The following DET1 variants were observed in gnomAD, a reference collection of about 807,000 sequenced individuals.
The protein encoded by DET1 is DET1 partner of COP1 E3 ubiquitin ligase, also known as DET1 homolog.
Under a neutral mutation model 43.7 loss-of-function variants are expected in DET1, and 22 were observed. That is an observed-to-expected ratio of 0.50 (90% confidence interval 0.36 to 0.72). The LOEUF (loss-of-function observed/expected upper bound fraction) is 0.72. DET1 is among the 30% of genes least tolerant of loss of function. The pLI is 0.00. For synonymous variants in DET1, 315 were observed against 266.2 expected (o/e 1.18, Z -1.79); for missense variants, 713 against 713.3 (o/e 1.00, Z 0.00).
intron 1 of DET1, among the ~76,000 whole-genome samples, chr15:88,537,751 C>G (rs2056991008): frequency 6.6e-6 from 1 of 152,182 alleles, no homozygotes; most frequent in South Asian, 2.1e-4. Flanking sequence ...ACGGGAAGTT[C>G]TGTGTCAACT....
downstream of DET1, among the ~76,000 whole-genome samples, chr15:88,509,722 G>T (rs1256394909): frequency 6.6e-6 from 1 of 152,208 alleles, no homozygotes; most frequent in Non-Finnish European, 1.5e-5. Flanking sequence ...TCTTCTGAAT[G>T]CAAGAGTACA....
At chr15:88,541,414 T>G (rs991002641) in intron 1 of DET1, among the ~76,000 whole-genome samples, 1 of 151,036 alleles carries the variant, frequency 6.6e-6, no homozygotes, top group African/African-American at 2.5e-5. Context: ...CCGGGTCCCC[T>G]TATTTCTTTC....
chr15:88,530,896 A>C lies in DET1; in HGVS notation c.810T>G (p.Ala270=), dbSNP rs1289982339. 6.2e-7 allele frequency: 1 copy of C among 1,613,918 alleles called. No individual in the cohort carries two copies. Among genetic ancestry groups the C allele is most frequent in the Non-Finnish European group, 8.5e-7 (1 of 1,179,896 alleles). Residue 270 remains alanine, a synonymous_variant, in exon 2 of 5, where the codon GCT becomes GCG. Coordinates refer to ENST00000268148, the MANE Select transcript of DET1 (RefSeq NM_001144074.3). The part of the protein sequence containing the change: ...CYEDDLLTVS[A]VFPEVQRDSQ... ...TGTCCCGCTGTACCTCAGGGAAAAC[A>C]GCTGACACAGTGAGCAGGTCATCCT...
chr15:88,507,848 C>G (rs2056158170), downstream of DET1, among the ~76,000 whole-genome samples: 1 of 152,224 alleles, frequency 6.6e-6, no homozygotes, highest in Non-Finnish European at 1.5e-5. Flanking sequence ...ATCCCTGGGC[C>G]ATGGACCAAT....
chr15:88,529,506 C>T (rs1425584137), intron 2 of DET1, among the ~76,000 whole-genome samples: 1 of 152,270 alleles, frequency 6.6e-6, no homozygotes, highest in East Asian at 1.9e-4. Flanking sequence ...GATCTCTAAC[C>T]ATATTACTCC....
At chr15:88,533,869 A>AAAAT (rs1555429853) in intron 1 of DET1, among the ~76,000 whole-genome samples, 2 of 147,230 alleles carry the variant, frequency 1.4e-5, no homozygotes. Flanking sequence ...AAAAAAAAAA[A>AAAAT]AAAAAAATTA....
At chr15:88,543,251 C>T (rs1484304736) in intron 1 of DET1, among the ~76,000 whole-genome samples, 8 of 152,162 alleles carry the variant, frequency 5.3e-5, no homozygotes, top group Non-Finnish European at 1.0e-4. Flanking sequence ...GATCCTGTGG[C>T]CTCTGGATGG....
chr15:88,514,603 G>A (rs891687663), intron 4 of DET1, among the ~76,000 whole-genome samples: 2 of 152,124 alleles, frequency 1.3e-5, no homozygotes, highest in South Asian at 2.1e-4. Context: ...AGAATAATAC[G>A]CCTTCATTAG....
At chr15:88,523,652 G>A (rs1057027512) in intron 3 of DET1, among the ~76,000 whole-genome samples, 2 of 152,218 alleles carry the variant, frequency 1.3e-5, no homozygotes, top group Non-Finnish European at 2.9e-5. Flanking sequence ...TGTTGGCCGG[G>A]CTGGTCTCCA....
chr15:88,530,435 C>T (rs2056779548), intron 2 of DET1, among the ~76,000 whole-genome samples, 188 bp downstream of exon 2: 1 of 152,172 alleles, frequency 6.6e-6, no homozygotes, highest in Non-Finnish European at 1.5e-5. Context: ...TGAACTTTAG[C>T]TTCCATTTGT....
At position 88,520,315 on chromosome 15, in the gene DET1, AC is replaced by A. The variant is rs200206323; in HGVS notation, c.1272-3343del. On this transcript the variant is annotated intron_variant, in intron 3 of 4. Transcript: ENST00000268148. Reference sequence around the variant, plus strand: ...TCAAAACTCTTTTCCATACTGTCCAACTTTTCTCCTCCCATTCTTTCTTAAA... The same window carrying A: ...TCAAAACTCTTTTCCATACTGTCCAATTTTCTCCTCCCATTCTTTCTTAAA... 6.2e-3 allele frequency among the ~76,000 whole-genome samples: 946 copies of A among 152,234 alleles called. 11 individuals are homozygous for A. The highest frequency in any genetic ancestry group is 0.022 in the African/African-American group (898 of 41,538).
chr15:88,525,443 A>G (rs975147376), intron 3 of DET1, among the ~76,000 whole-genome samples: 1 of 152,176 alleles, frequency 6.6e-6, no homozygotes, highest in African/African-American at 2.4e-5. Context: ...TTAATTCCAG[A>G]TGTATTCTGA....
chr15:88,506,827 G>C (rs1393743154), intron 7 of DET1, among the ~76,000 whole-genome samples: 1 of 152,144 alleles, frequency 6.6e-6, no homozygotes, highest in Non-Finnish European at 1.5e-5. Flanking sequence ...GCTTGGCACT[G>C]ATAGCTGACA....
rs1250517770 is a variant in DET1 at position 88,522,531 on chromosome 15, T to C, written c.1271+5068A>G. On this transcript the variant is annotated intron_variant, in intron 3 of 4. Transcript: ENST00000268148. Reference sequence around the variant, plus strand: ...TTCCTGGTTTTTTTTTTTTTTTGAGTTGGAGTCTCGTTCTGTACCCAGGCT... The same window carrying C: ...TTCCTGGTTTTTTTTTTTTTTTGAGCTGGAGTCTCGTTCTGTACCCAGGCT... Among the ~76,000 whole-genome samples the C allele has an allele frequency of 1.3e-5, 2 of 148,988 alleles. 1 individual carries two copies. The highest frequency in any genetic ancestry group is 3.9e-4 in the East Asian group (2 of 5,106).
intron 3 of DET1, among the ~76,000 whole-genome samples, chr15:88,526,204 A>G (rs2056658411): frequency 6.6e-6 from 1 of 152,194 alleles, no homozygotes; most frequent in East Asian, 1.9e-4. Context: ...TTTTATATAA[A>G]CATGATGCCA....
chr15:88,511,313 TA>T, downstream of DET1: 1 of 773,258 alleles, frequency 1.3e-6, no homozygotes, highest in Non-Finnish European at 1.6e-6. Context: ...TTCTACTACA[TA>T]AAACCCTAGC....
upstream of DET1, chr15:88,546,695 A>C (rs1221671219): frequency 6.6e-6 from 1 of 152,378 alleles, no homozygotes; most frequent in African/African-American, 2.4e-5. Context: ...GCCCAGCAAA[A>C]AGGGAAGTAG....
In DET1 at chr15:88,516,850, G is replaced by A; in HGVS notation, c.1395C>T (p.Leu465=). The change falls in exon 4 of 5, where the codon CTC becomes CTT. Residue 465 remains leucine (L), a synonymous_variant. Coordinates refer to ENST00000268148, the MANE Select transcript of DET1 (RefSeq NM_001144074.3). This position sits in a 1 kb window ranked among gnomAD's most constrained non-coding sequence, Gnocchi z 4.4. The part of the protein sequence containing the change: ...YSGSPYLDLS[L]FSYDDKWVSV... ...ATACCCACTTGTCATCATAACTGAA[G>A]AGAGACAAATCCAGATAGGGGCTAC... The A allele has an allele frequency of 6.2e-7, 1 of 1,610,862 alleles. No individual in the cohort carries two copies. Among genetic ancestry groups the A allele is most frequent in the Non-Finnish European group, 8.5e-7 (1 of 1,178,716 alleles).
chr15:88,538,481 AC>A (rs971952498), intron 1 of DET1, among the ~76,000 whole-genome samples: 1 of 149,100 alleles, frequency 6.7e-6, no homozygotes, highest in East Asian at 2.0e-4. Flanking sequence ...TTTTAACTAG[AC>A]CCCCCCTCCC....
Sources: allele counts gnomAD v4.1 joint callset (sites outside exome capture counted in the v4.1 genomes callset), GRCh38; gene constraint gnomAD v4.1.1; non-coding constraint Gnocchi (gnomAD v3.1); transcripts MANE v1.5; gene names NCBI Gene and HGNC (gene_info 2026-07-23, HGNC 2026-07-21).